The following SNTG1 variants were observed in gnomAD, a reference collection of about 807,000 sequenced individuals.
SNTG1 encodes syntrophin gamma 1, also known as gamma-1-syntrophin.
A neutral mutation model predicts 74.7 loss-of-function variants in SNTG1; 39 were observed. That is an observed-to-expected ratio of 0.52 (90% CI 0.40 to 0.68). The LOEUF (loss-of-function observed/expected upper bound fraction) is 0.68. Among genes scored for constraint, SNTG1 ranks in the 30% least tolerant of loss-of-function variants. The pLI, the probability that SNTG1 is intolerant of heterozygous loss-of-function variation, is 0.00. For missense variants in SNTG1, 685 were observed against 609.5 expected, an observed-to-expected ratio of 1.12 and a Z score of -1.30; for synonymous variants, 254 against 217.1, an observed-to-expected ratio of 1.17 and a Z score of -1.49.
intron 1 of SNTG1, among the ~76,000 whole-genome samples, chr8:49,973,201 A>C (rs892925610): frequency 5.9e-5 from 9 of 152,204 alleles, no homozygotes; most frequent in Non-Finnish European, 1.2e-4. Context: ...AGATGAGTTC[A>C]TGTCCTTTGT....
At chr8:50,505,699 G>T (rs79119785) in intron 9 of SNTG1, among the ~76,000 whole-genome samples, 1,837 of 152,078 alleles carry the variant, frequency 0.012, 41 homozygotes, top group African/African-American at 0.042. Flanking sequence ...TTTAAATCTG[G>T]TTATTTGTTT....
At chr8:50,782,756 G>A (rs751382584) in intron 18 of SNTG1, among the ~76,000 whole-genome samples, 6 of 152,134 alleles carry the variant, frequency 3.9e-5, no homozygotes, top group Admixed American at 1.3e-4. Context: ...GAGGAGCTGC[G>A]TTCCTTTGGA....
chr8:50,506,286 C>T (rs1380245065), intron 9 of SNTG1, among the ~76,000 whole-genome samples: 8 of 151,876 alleles, frequency 5.3e-5, no homozygotes, highest in Non-Finnish European at 2.9e-5. Flanking sequence ...GTGTAAAGCC[C>T]CAGCTCTGTT....
chr8:50,107,792 C>G (rs2080435761), intron 1 of SNTG1, among the ~76,000 whole-genome samples: 1 of 152,062 alleles, frequency 6.6e-6, no homozygotes, highest in Admixed American at 6.6e-5. Flanking sequence ...CTCAAGTGAT[C>G]TGCCCACCTA....
intron 13 of SNTG1, among the ~76,000 whole-genome samples, chr8:50,645,449 G>A (rs2095102704): frequency 6.6e-6 from 1 of 151,900 alleles, no homozygotes; most frequent in South Asian, 2.1e-4. Context: ...TCTTATTTGT[G>A]TGTGGATTTT....
At chr8:50,688,512 G>A (rs1462368909) in intron 15 of SNTG1, among the ~76,000 whole-genome samples, 2 of 152,122 alleles carry the variant, frequency 1.3e-5, no homozygotes, top group Admixed American at 1.3e-4. Context: ...ATTAAATAGG[G>A]AATCCTTTCC....
chr8:50,512,910 T>C (rs2094095928), intron 9 of SNTG1, among the ~76,000 whole-genome samples: 1 of 152,234 alleles, frequency 6.6e-6, no homozygotes, highest in African/African-American at 2.4e-5. Flanking sequence ...CCTTCTTCTC[T>C]CAACTCATCA....
intron 18 of SNTG1, among the ~76,000 whole-genome samples, chr8:50,784,618 G>A (rs2095669559): frequency 6.6e-6 from 1 of 152,264 alleles, no homozygotes; most frequent in South Asian, 2.1e-4. Context: ...TGTAACTAAT[G>A]GGTAGAGCAA....
At chr8:50,606,948 C>T (rs1182521989) in intron 13 of SNTG1, among the ~76,000 whole-genome samples, 2 of 151,426 alleles carry the variant, frequency 1.3e-5, no homozygotes, top group Non-Finnish European at 3.0e-5. Flanking sequence ...TGTTTTTATC[C>T]TTTTTATTTA....
chr8:50,584,848 T>C (rs1158813054), intron 12 of SNTG1, among the ~76,000 whole-genome samples: 1 of 152,118 alleles, frequency 6.6e-6, no homozygotes, highest in African/African-American at 2.4e-5. Flanking sequence ...TCCCCGCAGA[T>C]GGAGCTGCCC....
chr8:50,152,380 T>C (rs2082099995), intron 1 of SNTG1, among the ~76,000 whole-genome samples: 1 of 152,224 alleles, frequency 6.6e-6, no homozygotes, highest in African/African-American at 2.4e-5. Flanking sequence ...GTCTGTGTCT[T>C]TTAATTGTAG....
At chr8:50,134,607 G>T (rs1172646894) in intron 1 of SNTG1, among the ~76,000 whole-genome samples, 1 of 152,138 alleles carries the variant, frequency 6.6e-6, no homozygotes, top group Non-Finnish European at 1.5e-5. Context: ...GACAGGGAAA[G>T]ATAGAATAGT....
At chr8:50,016,069 A>T (rs911351324) in intron 1 of SNTG1, among the ~76,000 whole-genome samples, 5 of 152,052 alleles carry the variant, frequency 3.3e-5, no homozygotes, top group African/African-American at 1.2e-4. Flanking sequence ...ACTCAGATGT[A>T]ATGGTTTCAC....
At chr8:49,923,443 A>T (rs1033321784) in intron 1 of SNTG1, among the ~76,000 whole-genome samples, 2 of 152,130 alleles carry the variant, frequency 1.3e-5, no homozygotes, top group Non-Finnish European at 2.9e-5. Flanking sequence ...TTTTCTTCTG[A>T]GGAGAATTAA....
At chr8:50,053,822 A>G (rs1400943078) in intron 1 of SNTG1, among the ~76,000 whole-genome samples, 1 of 151,978 alleles carries the variant, frequency 6.6e-6, no homozygotes, top group Non-Finnish European at 1.5e-5. Flanking sequence ...ACACATACAC[A>G]TTGTGAGCTA....
At chr8:50,199,737 A>G (rs544592448) in intron 2 of SNTG1, among the ~76,000 whole-genome samples, 5 of 152,094 alleles carry the variant, frequency 3.3e-5, no homozygotes, top group Non-Finnish European at 5.9e-5. Context: ...AACCTGGTGG[A>G]TGTAGGGTGC....
intron 11 of SNTG1, among the ~76,000 whole-genome samples, chr8:50,547,508 T>C (rs1177978137): frequency 6.6e-6 from 1 of 152,168 alleles, no homozygotes; most frequent in African/African-American, 2.4e-5. Context: ...TCTTTCAATC[T>C]AGGGCAAATT....
chr8:50,725,677 T>A (rs1249591904), intron 17 of SNTG1, among the ~76,000 whole-genome samples: 1 of 152,130 alleles, frequency 6.6e-6, no homozygotes, highest in Admixed American at 6.6e-5. Context: ...AGCAGGCTGT[T>A]ACACCAACTG....
intron 18 of SNTG1, among the ~76,000 whole-genome samples, chr8:50,780,873 G>T (rs1055099743): frequency 6.6e-6 from 1 of 152,134 alleles, no homozygotes; most frequent in Non-Finnish European, 1.5e-5. Flanking sequence ...ACACTGCTTT[G>T]AATGTGGCCC....
Sources: gnomAD v4.1 joint callset for allele counts (sites outside exome capture counted in the v4.1 genomes callset) on GRCh38, gnomAD v4.1.1 for gene constraint, MANE v1.5 for transcripts, NCBI Gene and HGNC (gene_info 2026-07-23, HGNC 2026-07-21) for gene names.